Variants in MOV10L1 observed in about 807,000 individuals in gnomAD.
The protein encoded by MOV10L1 is RNA helicase Mov10l1.
MOV10L1 carries 110 observed loss-of-function variants against 143.8 expected under a neutral mutation model. The ratio of observed to expected loss-of-function variants is 0.76; its 90% CI spans 0.66 to 0.90. MOV10L1 has a LOEUF of 0.90. Among genes scored for constraint, MOV10L1 ranks in the 40% least tolerant of loss-of-function variants. MOV10L1 has a pLI of 0.00. For missense variants in MOV10L1, 1,406 were observed against 1,526.8 expected (o/e 0.92, Z 1.32); for synonymous variants, 593 against 581.1 (o/e 1.02, Z -0.29).
At chr22:50,148,825 G>A (rs1039668906) in intron 19 of MOV10L1, among the ~76,000 whole-genome samples, 12 of 152,050 alleles carry the variant, frequency 7.9e-5, no homozygotes, top group South Asian at 2.1e-4. Context: ...CACCACACCC[G>A]GCTAATTTTT....
intron 10 of MOV10L1, among the ~76,000 whole-genome samples, chr22:50,122,880 C>T (rs1348735069): frequency 3.3e-5 from 5 of 151,928 alleles, no homozygotes; most frequent in Non-Finnish European, 7.4e-5. Context: ...AGCGGCACAC[C>T]ACCATGCCCG....
At chr22:50,128,360 G>A (rs2062572552) in intron 12 of MOV10L1, 56 bp from the exon 13 acceptor site, 1 of 997,388 alleles carries the variant, frequency 1.0e-6, no homozygotes, top group South Asian at 1.4e-5. Context: ...TGTGTCGCTA[G>A]ATAAAGATAT....
intron 24 of MOV10L1, among the ~76,000 whole-genome samples, chr22:50,160,086 G>A (rs901431725): frequency 1.3e-5 from 2 of 152,074 alleles, no homozygotes; most frequent in African/African-American, 4.8e-5. Context: ...CAGAGAGTGG[G>A]AGGGCAGGTA....
intron 2 of MOV10L1, among the ~76,000 whole-genome samples, chr22:50,098,413 C>T (rs1031631682): frequency 1.3e-5 from 2 of 152,100 alleles, no homozygotes; most frequent in African/African-American, 4.8e-5. Context: ...TGTCATTTTA[C>T]GTGTCTTCCA....
At chr22:50,155,650 A>G (rs2063406772) in intron 22 of MOV10L1, among the ~76,000 whole-genome samples, 1 of 152,096 alleles carries the variant, frequency 6.6e-6, no homozygotes, top group Non-Finnish European at 1.5e-5. Context: ...TAATTTTTGT[A>G]TTTTTAGTAG....
intron 11 of MOV10L1, 62 bp from the exon 12 acceptor site, chr22:50,126,140 G>T: frequency 8.2e-7 from 1 of 1,212,486 alleles, no homozygotes; most frequent in East Asian, 2.4e-5. Context: ...GATTTTATAG[G>T]ACAGCACAGA....
chr22:50,118,816 C>G (rs1161170720), intron 9 of MOV10L1, among the ~76,000 whole-genome samples: 2 of 152,196 alleles, frequency 1.3e-5, no homozygotes, highest in African/African-American at 4.8e-5. Context: ...TTGGTTCCAG[C>G]TGATCTCAGC....
chr22:50,151,890 C>A (rs144103975), intron 21 of MOV10L1, among the ~76,000 whole-genome samples: 76 of 152,342 alleles, frequency 5.0e-4, no homozygotes, highest in African/African-American at 1.7e-3. Flanking sequence ...CTGTGTGGGG[C>A]CTGGGCAGTG....
intron 22 of MOV10L1, among the ~76,000 whole-genome samples, chr22:50,155,999 C>T (rs565537619): frequency 1.3e-5 from 2 of 152,290 alleles, no homozygotes; most frequent in Admixed American, 6.5e-5. Context: ...TTGCAGTGAA[C>T]TGTGATCATG....
At chr22:50,137,763 A>G (rs1485455626) in intron 15 of MOV10L1, among the ~76,000 whole-genome samples, 1 of 114,586 alleles carries the variant, frequency 8.7e-6, no homozygotes, top group Non-Finnish European at 2.0e-5. Flanking sequence ...ATATAAATAT[A>G]CATATTTTAT....
chr22:50,119,026 C>G (rs548346458), intron 9 of MOV10L1, among the ~76,000 whole-genome samples: 148 of 152,184 alleles, frequency 9.7e-4, no homozygotes, highest in Non-Finnish European at 1.7e-3. Context: ...GCAGAGTCCC[C>G]GAGGATCGAG....
At chr22:50,145,337 A>T (rs2063122084) in intron 18 of MOV10L1, among the ~76,000 whole-genome samples, 1 of 152,138 alleles carries the variant, frequency 6.6e-6, no homozygotes, top group African/African-American at 2.4e-5. Context: ...CAGGAGAATC[A>T]CTTGAACCTG....
intron 26 of MOV10L1, 88 bp downstream of exon 26, chr22:50,161,143 A>C: frequency 7.4e-7 from 1 of 1,352,900 alleles, no homozygotes; most frequent in Non-Finnish European, 1.0e-6. Flanking sequence ...ACCCCCATCC[A>C]CTTACCCACC....
chr22:50,126,769 A>T (rs369110865), intron 12 of MOV10L1, among the ~76,000 whole-genome samples: 1 of 152,202 alleles, frequency 6.6e-6, no homozygotes. Context: ...GAGGTGCTCT[A>T]TCTGTGCATC....
At position 50,160,792 on chromosome 22, in the gene MOV10L1, G is replaced by T; in HGVS notation, c.3429G>T (p.Leu1143=). Residue 1143 remains leucine (L), a synonymous_variant, in exon 25 of 27, where the codon CTG becomes CTT. Coordinates refer to ENST00000262794, the MANE Select transcript of MOV10L1 (RefSeq NM_018995.3). ...CAATCACCAGACCCAAAGCTTTGCT[G>T]ATAGTGCTGGGAAACCCCCATGTTC... ...NVAITRPKAL[L]IVLGNPHVLV... The T allele has an allele frequency of 6.2e-7, 1 of 1,614,102 alleles. No individual in the cohort carries two copies. Among genetic ancestry groups the T allele is most frequent in the Non-Finnish European group, 8.5e-7 (1 of 1,180,014 alleles).
chr22:50,140,536 A>G (rs903983399), intron 15 of MOV10L1, among the ~76,000 whole-genome samples: 1 of 152,186 alleles, frequency 6.6e-6, no homozygotes, highest in Non-Finnish European at 1.5e-5. Context: ...AAATTCACTA[A>G]CACTAATGAT....
chr22:50,160,979 G>C lies in MOV10L1; in HGVS notation c.3478G>C (p.Ala1160Pro). 1 of 1,614,168 alleles carries C rather than the reference G, an allele frequency of 6.2e-7. No individual in the cohort carries two copies. The highest frequency in any genetic ancestry group is 8.5e-7 in the Non-Finnish European group (1 of 1,180,016). Reference protein sequence around the residue: ...HVLVRDPCFGALLEYSITNGV... With the variant: ...HVLVRDPCFGPLLEYSITNGV... ...TTGCCAACAGGACCCCTGTTTTGGT[G>C]CTTTGCTGGAATACAGTATTACAAA... is the stretch of plus-strand genomic sequence containing the variant. The change falls in exon 26 of 27, where the codon GCT (alanine) becomes CCT (proline). Residue 1160 changes from alanine to proline, a missense_variant. Physicochemically the swap from Ala to Pro is conservative, Grantham distance 27. This residue lies in a region of MOV10L1 where 1,233 missense variants were observed against 1,351.4 expected (regional missense o/e 0.91). Coordinates refer to ENST00000262794, the MANE Select transcript of MOV10L1 (RefSeq NM_018995.3).
At chr22:50,129,767 T>C (rs1187267243) in intron 13 of MOV10L1, among the ~76,000 whole-genome samples, 2 of 152,210 alleles carry the variant, frequency 1.3e-5, no homozygotes, top group Non-Finnish European at 2.9e-5. Flanking sequence ...ATGGTCTTGA[T>C]TTACTTTTCT....
At chr22:50,139,072 G>A (rs1438986825) in intron 15 of MOV10L1, among the ~76,000 whole-genome samples, 1 of 151,944 alleles carries the variant, frequency 6.6e-6, no homozygotes, top group Non-Finnish European at 1.5e-5. Context: ...CAAAAGATGG[G>A]CAACAAAAGA....
Sources: allele counts gnomAD v4.1 joint callset (sites outside exome capture counted in the v4.1 genomes callset), GRCh38; gene constraint gnomAD v4.1.1; regional missense constraint gnomAD v4.1.1; transcripts MANE v1.5; gene names NCBI Gene and HGNC (gene_info 2026-07-23, HGNC 2026-07-21).